The following CPLANE1 variants were observed in gnomAD, a reference collection of about 807,000 sequenced individuals.
CPLANE1 encodes the protein ciliogenesis and planar polarity effector 1.
Under a neutral mutation model 362.5 loss-of-function variants are expected in CPLANE1, and 263 were observed. That is an observed-to-expected ratio of 0.73 (90% CI 0.66 to 0.80). The LOEUF is 0.80. Among genes scored for constraint, CPLANE1 ranks in the 30% least tolerant of loss-of-function variants. The pLI, the probability that CPLANE1 is intolerant of heterozygous loss-of-function variation, is 0.00. For missense variants in CPLANE1, 3,461 were observed against 3,793.4 expected, an observed-to-expected ratio of 0.91 and a Z score of 2.30; for synonymous variants, 1,212 against 1,302.6, an observed-to-expected ratio of 0.93 and a Z score of 1.50.
chr5:37,103,866 C>T (rs944113679), downstream of CPLANE1, among the ~76,000 whole-genome samples: 1 of 152,030 alleles, frequency 6.6e-6, no homozygotes, highest in African/African-American at 2.4e-5. Context: ...TAAAGTATCT[C>T]GAGAACTGGG....
At chr5:37,141,926 G>C (rs1769870741) in intron 44 of CPLANE1, 3 of 535,954 alleles carry the variant, frequency 5.6e-6, no homozygotes, top group African/African-American at 2.1e-5. Context: ...ATATAAAACA[G>C]TGATGTTTGG....
intron 43 of CPLANE1, among the ~76,000 whole-genome samples, chr5:37,147,829 C>CAGCA: frequency 6.6e-6 from 1 of 152,062 alleles, no homozygotes; most frequent in East Asian, 1.9e-4. Flanking sequence ...AGCTGATGAT[C>CAGCA]ACAGACAAAC....
Position 37,182,854 on chromosome 5 carries a change from C to T in CPLANE1, c.5327G>A (p.Arg1776His), listed in dbSNP as rs757385488. 1.4e-5 allele frequency: 22 copies of T among 1,612,746 alleles called. No homozygotes were observed. The East Asian group carries it at 2.5e-4, about 18-fold the overall frequency. ...ESSSEYSPVI[R>H]VKTSTAAILT... ...AATGGCAGCTGTAGAGGTCTTTACA[C>T]GAATTACTGGACTGTACTCAGAGGA... Residue 1776 changes from arginine (R) to histidine (H), a missense_variant, in exon 26 of 53, where the codon CGT becomes CAT. Arg to His is a conservative substitution (Grantham distance 29). Coordinates refer to ENST00000651892, the MANE Select transcript of CPLANE1 (RefSeq NM_001384732.1).
chr5:37,239,144 T>C (rs1799706814), intron 7 of CPLANE1, among the ~76,000 whole-genome samples, 184 bp from the exon 8 acceptor site: 1 of 152,196 alleles, frequency 6.6e-6, no homozygotes, highest in African/African-American at 2.4e-5. Flanking sequence ...TTAAAAACAT[T>C]AGTTACCACA....
intron 46 of CPLANE1, among the ~76,000 whole-genome samples, chr5:37,128,502 A>G (rs1010206172): frequency 1.3e-5 from 2 of 152,208 alleles, no homozygotes; most frequent in African/African-American, 4.8e-5. Context: ...AAATGGAAAC[A>G]TATCCCATGC....
Position 37,169,003 on chromosome 5 carries a change from G to A in CPLANE1, c.7021C>T (p.Leu2341=), listed in dbSNP as rs760765344. 13 of 1,613,958 alleles carry A rather than the reference G, an allele frequency of 8.1e-6. No homozygotes were observed. The South Asian group carries it at 1.3e-4, about 16-fold the overall frequency. Residue 2341 remains leucine (L), a synonymous_variant, in exon 34 of 53, where the codon CTA becomes TTA. Transcript: ENST00000651892. ...DSSVFIKPEK[L]FDVKPGTLEI... is the part of the protein sequence containing the mutation. The stretch of plus-strand genomic sequence containing the variant: ...AGGGTCCCTGGCTTAACATCAAATA[G>A]TTTTTCTGGTTTTATAAACACTGAA...
chr5:37,141,330 C>T, intron 44 of CPLANE1: 1 of 985,392 alleles, frequency 1.0e-6, no homozygotes, highest in Non-Finnish European at 1.2e-6. Context: ...TGTTTAACCT[C>T]ATTTGTCAAT....
At chr5:37,239,950 G>C (rs1799961009) in intron 6 of CPLANE1, 81 bp from the exon 7 acceptor site, 2 of 1,024,938 alleles carry the variant, frequency 2.0e-6, no homozygotes, top group East Asian at 2.8e-5. Flanking sequence ...AAAATTAAAG[G>C]ATCCATCCAA....
chr5:37,084,906 G>C, the CPLANE1 span: 4 of 446,918 alleles, frequency 9.0e-6, no homozygotes, highest in Admixed American at 3.4e-5. Flanking sequence ...TAAGGTAAAG[G>C]GGTGGAAAAA....
chr5:37,143,366 TA>T, intron 43 of CPLANE1, among the ~76,000 whole-genome samples: 1 of 152,236 alleles, frequency 6.6e-6, no homozygotes, highest in Non-Finnish European at 1.5e-5. Context: ...CAGAAAAGGT[TA>T]GTCATAAAAC....
chr5:37,234,261 C>A (rs1353689301), intron 8 of CPLANE1, among the ~76,000 whole-genome samples: 1 of 151,250 alleles, frequency 6.6e-6, no homozygotes, highest in Non-Finnish European at 1.5e-5. Context: ...CCCAAAATGC[C>A]AGAGAAATAA....
Position 37,107,254 on chromosome 5 carries a change from A to G in CPLANE1, c.*348T>C, listed in dbSNP as rs1318094399. ...ATTCATCTGTATATGGTTGTTTCTCAAAACTCAGAGGGTAATAAAGGAGGA... is the reference window on the plus strand; with the variant it reads ...ATTCATCTGTATATGGTTGTTTCTCGAAACTCAGAGGGTAATAAAGGAGGA... On this transcript the variant is annotated 3_prime_UTR_variant, in exon 53 of 53. Transcript: ENST00000651892. 1 of 1,022,184 alleles carries G rather than the reference A, an allele frequency of 9.8e-7. No homozygotes were observed. Among genetic ancestry groups the G allele is most frequent in the East Asian group, 8.7e-5 (1 of 11,454 alleles). The allele number at this position is 1,022,184 out of a possible 1,614,324, so 63.3% of individuals were successfully genotyped here. A position where few individuals can be genotyped will look rare whatever the true frequency, so the allele number is the denominator to read the frequency against.
chr5:37,168,682 A>C, intron 34 of CPLANE1, 109 bp downstream of exon 34: 2 of 921,360 alleles, frequency 2.2e-6, no homozygotes, highest in Middle Eastern at 2.9e-4. Context: ...ATTTTCTATA[A>C]CAAGCATTTT....
rs529179818 is a variant in CPLANE1, at chr5:37,181,694, G to A, written c.5422-689C>T. On this transcript the variant is annotated intron_variant, in intron 26 of 52. Transcript: ENST00000651892. ...GTCAGGCATAGTGGCATGAGCCTGT[G>A]GTCCCAGCTGCTTGGAAGATTCAAG... Among the ~76,000 whole-genome samples the A allele has an allele frequency of 3.9e-4, 59 of 152,066 alleles. No individual in the cohort carries two copies. The South Asian group carries it at 0.012, about 31-fold the overall frequency.
Position 37,138,787 on chromosome 5 carries a change from G to C in CPLANE1, c.8725C>G (p.Leu2909Val). ...LTDIADIIDDLIIKDGVSSEE... is the reference protein window; with the variant it reads ...LTDIADIIDDVIIKDGVSSEE... ...CTGGAAACTCCGTCTTTAATTATAA[G>C]GTCATCAATAATGTCTGCAATATCA... is the stretch of plus-strand genomic sequence containing the variant. Residue 2909 changes from leucine (L) to valine (V), a missense_variant, in exon 46 of 53, where the codon CTT becomes GTT. By Grantham distance (32) the Leu-to-Val change is conservative (BLOSUM62 1). Around this residue, in one of 2 missense-constraint regions of CPLANE1, gnomAD observed 3,380 missense variants for 3,666.1 expected, o/e 0.92. Transcript: ENST00000651892. The C allele has an allele frequency of 6.2e-7, 1 of 1,613,134 alleles. No homozygotes were observed. Among genetic ancestry groups the C allele is most frequent in the Non-Finnish European group, 8.5e-7 (1 of 1,179,500 alleles).
chr5:37,209,994 C>A lies in CPLANE1; in HGVS notation c.2920+3565G>T. On this transcript the variant is annotated intron_variant, in intron 16 of 52. Transcript: ENST00000651892. This position sits in a 1 kb window ranked among gnomAD's most constrained non-coding sequence, Gnocchi z 4.6. ...ATATAAGAGAGAAATAGAAGAGCAA[C>A]TTCGGGAAGAAATATGTCAAAAGTT... 1 of 896,078 alleles carries A rather than the reference C, an allele frequency of 1.1e-6. No homozygotes were observed. Among genetic ancestry groups the A allele is most frequent in the Non-Finnish European group, 1.8e-6 (1 of 542,418 alleles). 55.5% of individuals were successfully genotyped at this position (896,078 alleles called of 1,614,324 possible).
Position 37,209,367 on chromosome 5 carries a change from A to T in CPLANE1, c.2921-2942T>A. Reference sequence around the variant, plus strand: ...CTCCGGAGGAAGCTGACGGCTGATGATGGCTCAGTCCAACATGCTCCCCGT... The same window carrying T: ...CTCCGGAGGAAGCTGACGGCTGATGTTGGCTCAGTCCAACATGCTCCCCGT... On this transcript the variant is annotated intron_variant, in intron 16 of 52. Coordinates refer to ENST00000651892, the MANE Select transcript of CPLANE1 (RefSeq NM_001384732.1). This position sits in a 1 kb window ranked among gnomAD's most constrained non-coding sequence, Gnocchi z 4.6. 1 of 1,054,910 alleles carries T rather than the reference A, an allele frequency of 9.5e-7. No individual in the cohort carries two copies. Among genetic ancestry groups the T allele is most frequent in the South Asian group, 1.2e-5 (1 of 80,184 alleles). 65.3% of individuals were successfully genotyped at this position (1,054,910 alleles called of 1,614,324 possible).
chr5:37,245,091 C>T (rs563141782), intron 4 of CPLANE1, among the ~76,000 whole-genome samples: 1 of 151,304 alleles, frequency 6.6e-6, no homozygotes, highest in South Asian at 2.1e-4. Flanking sequence ...GGCGAGTGAG[C>T]TGAGATCCCA....
chr5:37,197,553 G>A (rs1166867800), intron 20 of CPLANE1, among the ~76,000 whole-genome samples: 1 of 152,146 alleles, frequency 6.6e-6, no homozygotes, highest in Non-Finnish European at 1.5e-5. Flanking sequence ...TTGGCCTTGT[G>A]AGACTCTAAG....
Sources: gnomAD v4.1 joint callset for allele counts (sites outside exome capture counted in the v4.1 genomes callset) on GRCh38, gnomAD v4.1.1 for gene constraint, gnomAD v4.1.1 regional missense constraint, Gnocchi (gnomAD v3.1) non-coding constraint, MANE v1.5 for transcripts, NCBI Gene and HGNC (gene_info 2026-07-23, HGNC 2026-07-21) for gene names.